TMEM117: variants seen among roughly 807,000 people sequenced by gnomAD.
The protein encoded by TMEM117 is transmembrane protein 117.
A neutral mutation model predicts 52.4 loss-of-function variants in TMEM117; 27 were observed. The observed-to-expected ratio is 0.51, with a 90% CI of 0.38 to 0.71. The LOEUF (loss-of-function observed/expected upper bound fraction) is 0.71, where lower values mean the gene tolerates loss of function less well. Ranked by LOEUF, TMEM117 falls within the 30% of genes least tolerant of loss-of-function variation. The probability of loss-of-function intolerance (pLI) is 0.00; values close to 1 mark genes in which losing one functional copy is unlikely to be tolerated. For missense variants in TMEM117, 556 were observed against 630.5 expected (o/e 0.88, Z 1.26); for synonymous variants, 215 against 206.3 (o/e 1.04, Z -0.36).
chr12:44,278,807 T>C (rs1950544995), intron 5 of TMEM117, among the ~76,000 whole-genome samples: 1 of 152,218 alleles, frequency 6.6e-6, no homozygotes, highest in Non-Finnish European at 1.5e-5. Context: ...CCTATCCTTT[T>C]TCTTGTCTAG....
At chr12:44,021,719 A>G (rs1946458161) in intron 3 of TMEM117, among the ~76,000 whole-genome samples, 1 of 152,174 alleles carries the variant, frequency 6.6e-6, no homozygotes, top group Non-Finnish European at 1.5e-5. Flanking sequence ...CTCTAACCCA[A>G]ATAGTTTGCT....
chr12:44,055,105 C>T (rs1947033711), intron 3 of TMEM117, among the ~76,000 whole-genome samples: 1 of 151,434 alleles, frequency 6.6e-6, no homozygotes, highest in Non-Finnish European at 1.5e-5. Flanking sequence ...AACTGTTAAC[C>T]TAGAAAACAT....
intron 3 of TMEM117, among the ~76,000 whole-genome samples, chr12:44,107,743 C>T (rs12322934): frequency 0.016 from 2,379 of 152,212 alleles, 67 homozygotes; most frequent in African/African-American, 0.054. Flanking sequence ...CTTTCATGAT[C>T]ATTTTAAAAT....
chr12:43,800,249 C>T, the TMEM117 span, among the ~76,000 whole-genome samples: 255 of 152,146 alleles, frequency 1.7e-3, no homozygotes, highest in Admixed American at 3.0e-3. Flanking sequence ...CAAATAGATA[C>T]AAATGAATAA....
chr12:44,042,110 A>G (rs1329553956), intron 3 of TMEM117, among the ~76,000 whole-genome samples: 4 of 152,236 alleles, frequency 2.6e-5, no homozygotes, highest in Non-Finnish European at 5.9e-5. Flanking sequence ...ATCTCTGCCC[A>G]AAGGCTCATA....
intron 3 of TMEM117, among the ~76,000 whole-genome samples, chr12:43,959,481 TA>T (rs1945366973): frequency 1.3e-5 from 2 of 152,350 alleles, no homozygotes; most frequent in South Asian, 4.1e-4. Context: ...AAATTTTTGT[TA>T]AGTTCACCAT....
chr12:44,039,751 C>T (rs141646816), intron 3 of TMEM117, among the ~76,000 whole-genome samples: 27 of 151,578 alleles, frequency 1.8e-4, no homozygotes, highest in African/African-American at 5.8e-4. Context: ...AAATCTTTAC[C>T]ATCCAGACTA....
chr12:44,399,065 C>T, the TMEM117 span, among the ~76,000 whole-genome samples: 1 of 152,198 alleles, frequency 6.6e-6, no homozygotes, highest in Non-Finnish European at 1.5e-5. Flanking sequence ...TAAATACATA[C>T]AACTATAACT....
At chr12:43,878,766 G>T (rs974500499) in intron 2 of TMEM117, among the ~76,000 whole-genome samples, 8 of 152,100 alleles carry the variant, frequency 5.3e-5, no homozygotes, top group Non-Finnish European at 1.2e-4. Context: ...GAAACTTGGA[G>T]AACAAAAGTG....
At chr12:44,357,806 A>T (rs1419417134) in intron 6 of TMEM117, among the ~76,000 whole-genome samples, 1 of 152,122 alleles carries the variant, frequency 6.6e-6, no homozygotes, top group Non-Finnish European at 1.5e-5. Flanking sequence ...TGACCCAGAA[A>T]TTCCATTACT....
intron 3 of TMEM117, among the ~76,000 whole-genome samples, chr12:44,034,047 G>T (rs894408100): frequency 4.6e-5 from 7 of 152,112 alleles, no homozygotes; most frequent in African/African-American, 1.7e-4. Context: ...ATTTACTCTT[G>T]ATACTGTTAA....
At position 43,843,179 on chromosome 12, in the gene TMEM117, C is replaced by T. The variant is rs550251208; in HGVS notation, c.-28-1445C>T. Reference sequence around the variant, plus strand: ...TGTAAAGGACCCTCTTCCCCCTCTTCCCCCTCTTCCCTTTCTGAATTCTAA... The same window carrying T: ...TGTAAAGGACCCTCTTCCCCCTCTTTCCCCTCTTCCCTTTCTGAATTCTAA... On this transcript the variant is annotated intron_variant, in intron 1 of 7. Coordinates refer to ENST00000266534, the MANE Select transcript of TMEM117 (RefSeq NM_032256.3). Among the ~76,000 whole-genome samples, 96 of 152,282 alleles carry T rather than the reference C, an allele frequency of 6.3e-4. No individual in the cohort carries two copies. In the South Asian group the frequency reaches 6.4e-3, roughly 10 times the overall value.
At chr12:43,809,898 T>C in the TMEM117 span, among the ~76,000 whole-genome samples, 1 of 152,198 alleles carries the variant, frequency 6.6e-6, no homozygotes, top group Non-Finnish European at 1.5e-5. Context: ...AAATGGAATA[T>C]ATAAGATAAA....
At chr12:44,182,339 C>T (rs925468948) in intron 4 of TMEM117, among the ~76,000 whole-genome samples, 1 of 152,044 alleles carries the variant, frequency 6.6e-6, no homozygotes, top group African/African-American at 2.4e-5. Context: ...AATGGAATAC[C>T]CTTTATTTCC....
At chr12:44,028,980 C>G (rs911674520) in intron 3 of TMEM117, among the ~76,000 whole-genome samples, 2 of 152,110 alleles carry the variant, frequency 1.3e-5, no homozygotes, top group African/African-American at 2.4e-5. Flanking sequence ...CTGGAGAACC[C>G]TGAAGGGATG....
chr12:44,228,854 T>G (rs552765099), intron 5 of TMEM117, among the ~76,000 whole-genome samples: 140 of 152,274 alleles, frequency 9.2e-4, no homozygotes, highest in African/African-American at 3.0e-3. Flanking sequence ...GTGTGGAGCC[T>G]GTGGGCCACA....
intron 2 of TMEM117, among the ~76,000 whole-genome samples, chr12:43,878,070 A>T (rs1276789984): frequency 7.0e-6 from 1 of 143,420 alleles, no homozygotes; most frequent in Non-Finnish European, 1.6e-5. Flanking sequence ...AATGAAAAAA[A>T]GTTTTGCTTT....
chr12:44,173,202 C>T (rs927935730), intron 4 of TMEM117, among the ~76,000 whole-genome samples: 3 of 152,158 alleles, frequency 2.0e-5, no homozygotes, highest in African/African-American at 4.8e-5. Context: ...CGCCCTCCCA[C>T]GTAGTGGGGA....
chr12:44,158,443 T>C (rs1351731050), intron 4 of TMEM117, among the ~76,000 whole-genome samples: 3 of 152,182 alleles, frequency 2.0e-5, no homozygotes, highest in African/African-American at 7.2e-5. Flanking sequence ...CCTGTTCCTT[T>C]GTCAACATAA....
Sources: gnomAD v4.1 joint callset for allele counts (sites outside exome capture counted in the v4.1 genomes callset) on GRCh38, gnomAD v4.1.1 for gene constraint, MANE v1.5 for transcripts, NCBI Gene and HGNC (gene_info 2026-07-23, HGNC 2026-07-21) for gene names.